Variants in CDH13 observed in about 807,000 individuals in gnomAD.
CDH13 encodes the protein cadherin-13.
CDH13 carries 24 observed loss-of-function variants against 63.8 expected under a neutral mutation model. That is an observed-to-expected ratio of 0.38 (90% CI 0.27 to 0.53). CDH13 has a LOEUF of 0.53. Ranked by LOEUF, CDH13 falls within the 20% of genes least tolerant of loss-of-function variation. The pLI, the probability that CDH13 is intolerant of heterozygous loss-of-function variation, is 0.85. For missense variants in CDH13, 1,049 were observed against 903.1 expected (o/e 1.16, Z -2.07); for synonymous variants, 503 against 355.3 (o/e 1.42, Z -4.67).
At chr16:83,006,963 G>A (rs1333367287) in intron 2 of CDH13, among the ~76,000 whole-genome samples, 1 of 142,054 alleles carries the variant, frequency 7.0e-6, no homozygotes, top group South Asian at 2.2e-4. Context: ...CACTCTTATT[G>A]CCCAGGCTGG....
chr16:83,106,067 T>C (rs917119053), intron 3 of CDH13, among the ~76,000 whole-genome samples: 17 of 152,338 alleles, frequency 1.1e-4, no homozygotes, highest in Admixed American at 5.9e-4. Context: ...GGTGGGTTAT[T>C]TGTCAATATG....
chr16:83,462,023 G>A (rs886551611), intron 6 of CDH13, among the ~76,000 whole-genome samples: 7 of 152,194 alleles, frequency 4.6e-5, no homozygotes, highest in South Asian at 2.1e-4. Context: ...CTTCCACTTC[G>A]TGGCTCTCAT....
At chr16:83,194,396 C>T (rs111571729) in intron 4 of CDH13, among the ~76,000 whole-genome samples, 36 of 152,320 alleles carry the variant, frequency 2.4e-4, no homozygotes, top group African/African-American at 8.2e-4. Context: ...ACATTGTTTT[C>T]CTGTCTCCCC....
intron 6 of CDH13, among the ~76,000 whole-genome samples, chr16:83,464,689 T>A (rs1254506341): frequency 6.6e-6 from 1 of 152,140 alleles, no homozygotes; most frequent in Non-Finnish European, 1.5e-5. Flanking sequence ...ACCCCAAGGC[T>A]GGACGGAATG....
At chr16:83,420,080 C>A (rs1475000712) in intron 6 of CDH13, among the ~76,000 whole-genome samples, 1 of 151,946 alleles carries the variant, frequency 6.6e-6, no homozygotes, top group Non-Finnish European at 1.5e-5. Flanking sequence ...AAGAATTTCC[C>A]AGAAAAGATG....
intron 3 of CDH13, among the ~76,000 whole-genome samples, chr16:83,044,569 T>A (rs1367790283): frequency 4.6e-5 from 7 of 152,204 alleles, no homozygotes; most frequent in Non-Finnish European, 8.8e-5. Context: ...ATCTCATTCA[T>A]CTTCATAGTC....
At chr16:82,739,225 AATCAG>A (rs1299702512) in intron 1 of CDH13, among the ~76,000 whole-genome samples, 1 of 88,216 alleles carries the variant, frequency 1.1e-5, no homozygotes, top group Non-Finnish European at 2.9e-5. Context: ...TAATTACATA[AATCAG>A]AGGAAAAATC....
At chr16:83,136,343 G>A (rs1381445324) in intron 4 of CDH13, among the ~76,000 whole-genome samples, 2 of 151,694 alleles carry the variant, frequency 1.3e-5, no homozygotes, top group Non-Finnish European at 2.9e-5. Flanking sequence ...AAAATTAGCC[G>A]GGCGTAGTGG....
chr16:82,941,115 C>G (rs566753781), intron 2 of CDH13, among the ~76,000 whole-genome samples: 1 of 152,146 alleles, frequency 6.6e-6, no homozygotes, highest in Non-Finnish European at 1.5e-5. Context: ...GAAAAGTGAT[C>G]AGGAAGCTCT....
At chr16:83,156,027 TG>T (rs1418908225) in intron 4 of CDH13, among the ~76,000 whole-genome samples, 3 of 152,196 alleles carry the variant, frequency 2.0e-5, no homozygotes, top group Non-Finnish European at 4.4e-5. Context: ...GGGCTACAGC[TG>T]TGTAGAAGAG....
intron 6 of CDH13, among the ~76,000 whole-genome samples, chr16:83,439,136 C>T (rs1047678712): frequency 1.8e-4 from 28 of 152,188 alleles, no homozygotes; most frequent in African/African-American, 5.8e-4. Context: ...ACCTCCATTT[C>T]TTCAACTTTA....
At chr16:83,510,135 T>C (rs754428454) in intron 7 of CDH13, among the ~76,000 whole-genome samples, 2 of 152,162 alleles carry the variant, frequency 1.3e-5, no homozygotes, top group Non-Finnish European at 2.9e-5. Context: ...CCTGGGGCCA[T>C]TTTGTAAGAA....
intron 1 of CDH13, among the ~76,000 whole-genome samples, chr16:82,841,601 T>C (rs1357637012): frequency 2.0e-5 from 3 of 152,150 alleles, no homozygotes; most frequent in Admixed American, 6.5e-5. Context: ...AAACCAAAAT[T>C]GTGGTGGCCC....
At position 83,324,040 on chromosome 16, in the gene CDH13, C is replaced by CTTCT. The variant is rs1555530343; in HGVS notation, c.637-20820_637-20819insCTTT. Among the ~76,000 whole-genome samples the CTTCT allele has an allele frequency of 2.3e-3, 325 of 141,280 alleles. 2 individuals carry two copies. Among genetic ancestry groups the CTTCT allele is most frequent in the African/African-American group, 4.3e-3 (167 of 38,906 alleles). The allele number at this position is 141,280 out of a possible 152,430, so 92.7% of individuals were successfully genotyped here. On this transcript the variant is annotated intron_variant, in intron 5 of 13. Transcript: ENST00000567109. ...CATCACAGGTTTATTTCTTCTTCTT[C>CTTCT]TTTTTTTTTTTTTTTGAGGTGGAGT...
intron 1 of CDH13, among the ~76,000 whole-genome samples, chr16:82,776,189 A>G (rs2035487000): frequency 6.6e-6 from 1 of 151,096 alleles, no homozygotes; most frequent in Non-Finnish European, 1.5e-5. Flanking sequence ...CAGCTTGGGT[A>G]ACAGAGCAAG....
intron 1 of CDH13, chr16:82,823,365 C>A (rs1253395765): frequency 6.6e-6 from 1 of 151,278 alleles, no homozygotes; most frequent in Non-Finnish European, 1.5e-5. Context: ...GACGCAGTTA[C>A]CTAAAGTGAA....
chr16:83,741,821 C>T (rs768267352), intron 10 of CDH13, among the ~76,000 whole-genome samples: 1 of 149,838 alleles, frequency 6.7e-6, no homozygotes, highest in African/African-American at 2.5e-5. Flanking sequence ...ACGGCCCCAA[C>T]CCCTGGGCCA....
intron 6 of CDH13, among the ~76,000 whole-genome samples, chr16:83,380,671 G>C (rs183265657): frequency 1.6e-3 from 246 of 152,272 alleles, no homozygotes; most frequent in African/African-American, 5.7e-3. Flanking sequence ...CAAGGTGGCT[G>C]ATTGGAGCTC....
At chr16:82,679,368 G>C (rs940535441) in intron 1 of CDH13, among the ~76,000 whole-genome samples, 3 of 152,192 alleles carry the variant, frequency 2.0e-5, no homozygotes, top group African/African-American at 7.2e-5. Flanking sequence ...CAGGGTAGCA[G>C]GGAGCAAGAA....
Sources: allele counts gnomAD v4.1 joint callset (sites outside exome capture counted in the v4.1 genomes callset), GRCh38; gene constraint gnomAD v4.1.1; transcripts MANE v1.5; gene names NCBI Gene and HGNC (gene_info 2026-07-23, HGNC 2026-07-21).